MYLK: variants seen among roughly 807,000 people sequenced by gnomAD.
The protein encoded by MYLK is myosin light chain kinase.
MYLK carries 106 observed loss-of-function variants against 203.4 expected under a neutral mutation model. The observed-to-expected ratio is 0.52, with a 90% CI of 0.45 to 0.61. The LOEUF is 0.61. Ranked by LOEUF, MYLK falls within the 20% of genes least tolerant of loss-of-function variation. The probability of loss-of-function intolerance (pLI) is 0.00; values close to 1 mark genes in which losing one functional copy is unlikely to be tolerated. For synonymous variants in MYLK, 867 were observed against 959.5 expected (o/e 0.90, Z 1.78); for missense variants, 2,072 against 2,442.3 (o/e 0.85, Z 3.20).
chr3:123,660,209 C>G (rs1180238253), intron 23 of MYLK, among the ~76,000 whole-genome samples: 1 of 152,218 alleles, frequency 6.6e-6, no homozygotes, highest in Non-Finnish European at 1.5e-5. Context: ...CAAAAAGCCT[C>G]TGGACCCTCG....
chr3:123,770,519 C>T (rs1252180051), intron 4 of MYLK, among the ~76,000 whole-genome samples: 1 of 152,162 alleles, frequency 6.6e-6, no homozygotes, highest in East Asian at 1.9e-4. Context: ...AGGGAGTGGG[C>T]AGTCCCATTC....
At chr3:123,695,315 C>T (rs143835752) in intron 18 of MYLK, among the ~76,000 whole-genome samples, 3 of 152,358 alleles carry the variant, frequency 2.0e-5, no homozygotes, top group East Asian at 1.9e-4. Flanking sequence ...TGTCAAAGCA[C>T]GGCTCACAAG....
intron 27 of MYLK, among the ~76,000 whole-genome samples, chr3:123,644,156 A>G (rs1229324283): frequency 1.3e-5 from 2 of 152,202 alleles, no homozygotes; most frequent in African/African-American, 4.8e-5. Flanking sequence ...CCATTATTCT[A>G]TCCCCAGGCA....
intron 4 of MYLK, among the ~76,000 whole-genome samples, chr3:123,762,137 T>C (rs1445246634): frequency 1.3e-5 from 2 of 152,200 alleles, no homozygotes; most frequent in African/African-American, 2.4e-5. Flanking sequence ...CCATTTCCAC[T>C]TCCTTGAGGG....
chr3:123,707,980 A>C lies in MYLK; in HGVS notation c.2164T>G (p.Trp722Gly). ...VQEPHDGTQP[W>G]FISKPRSVTA... ...ACTGAGCGAGGCTTACTGATGAACC[A>C]GGGCTGGGTGCCATCGTGAGGCTCT... Residue 722 changes from tryptophan to glycine, a missense_variant, in exon 16 of 34, where the codon TGG (tryptophan) becomes GGG (glycine). Trp to Gly is a radical substitution (Grantham distance 184). Around this residue, in one of 3 missense-constraint regions of MYLK, gnomAD observed 865 missense variants for 1,016.0 expected, o/e 0.85. Transcript: ENST00000360304. 6.2e-7 allele frequency: 1 copy of C among 1,614,192 alleles called. No homozygotes were observed. Among genetic ancestry groups the C allele is most frequent in the Non-Finnish European group, 8.5e-7 (1 of 1,180,024 alleles).
intron 20 of MYLK, among the ~76,000 whole-genome samples, chr3:123,679,819 C>T (rs963527186): frequency 6.6e-6 from 1 of 152,122 alleles, no homozygotes; most frequent in Non-Finnish European, 1.5e-5. Context: ...CCTTGTTCGG[C>T]TCTCTGGGCA....
chr3:123,861,334 C>A (rs941718372), intron 2 of MYLK, among the ~76,000 whole-genome samples: 1 of 152,250 alleles, frequency 6.6e-6, no homozygotes, highest in African/African-American at 2.4e-5. Flanking sequence ...ACCAGCAATG[C>A]GCCTGTAGAA....
intron 1 of MYLK, among the ~76,000 whole-genome samples, chr3:123,883,732 C>T (rs2033684286): frequency 6.6e-6 from 1 of 152,168 alleles, no homozygotes; most frequent in Non-Finnish European, 1.5e-5. Context: ...AGGAACAAGT[C>T]TGCAAAGCCC....
At chr3:123,776,041 T>C (rs969498683) in intron 4 of MYLK, among the ~76,000 whole-genome samples, 1 of 152,160 alleles carries the variant, frequency 6.6e-6, no homozygotes, top group African/African-American at 2.4e-5. Flanking sequence ...CCATTACCGG[T>C]CTCAGCTCTC....
chr3:123,793,595 C>T (rs2064869036), intron 4 of MYLK, 82 bp downstream of exon 4: 19 of 1,514,686 alleles, frequency 1.3e-5, no homozygotes, highest in South Asian at 3.5e-5. Context: ...TAGATCCAGC[C>T]GGCCCAGGAA....
intron 1 of MYLK, among the ~76,000 whole-genome samples, chr3:123,883,192 T>A (rs1366649806): frequency 6.6e-6 from 1 of 151,930 alleles, no homozygotes; most frequent in African/African-American, 2.4e-5. Flanking sequence ...CAGGGCAGGC[T>A]CTCAAAGGCT....
intron 16 of MYLK, among the ~76,000 whole-genome samples, chr3:123,705,772 G>A (rs919228995): frequency 1.3e-5 from 2 of 152,032 alleles, no homozygotes; most frequent in Admixed American, 6.5e-5. Flanking sequence ...CAACAGCTAA[G>A]CCTTATCACA....
chr3:123,622,747 G>A (rs546121920), intron 31 of MYLK: 8 of 152,268 alleles, frequency 5.3e-5, no homozygotes, highest in African/African-American at 1.2e-4. Context: ...AAAAATTGCC[G>A]AGGAAGTTAT....
In MYLK at chr3:123,708,011, T is replaced by C; in HGVS notation, c.2141-8A>G. On this transcript the variant is annotated splice_region_variant and splice_polypyrimidine_tract_variant and intron_variant, in intron 15 of 33. Transcript: ENST00000360304. ...GGGTGCCATCGTGAGGCTCTGGAAATTGGCAAAGGGCAGAGCTAAACAGGG... is the reference window on the plus strand; with the variant it reads ...GGGTGCCATCGTGAGGCTCTGGAAACTGGCAAAGGGCAGAGCTAAACAGGG... 1.2e-6 allele frequency: 2 copies of C among 1,613,892 alleles called. No individual in the cohort carries two copies. Among genetic ancestry groups the C allele is most frequent in the Non-Finnish European group, 1.7e-6 (2 of 1,179,942 alleles).
chr3:123,804,249 G>C (rs1455669057), intron 3 of MYLK, among the ~76,000 whole-genome samples: 1 of 152,180 alleles, frequency 6.6e-6, no homozygotes, highest in African/African-American at 2.4e-5. Flanking sequence ...CTTGCAGGGG[G>C]CAGGGAGGGA....
intron 3 of MYLK, among the ~76,000 whole-genome samples, chr3:123,801,343 T>C (rs1178104227): frequency 2.0e-5 from 3 of 152,230 alleles, no homozygotes; most frequent in Non-Finnish European, 4.4e-5. Context: ...TCTACTCTCA[T>C]TTCTGTCCTT....
rs968120886 is a variant in MYLK, at chr3:123,640,228, A to C, written c.4837+59T>G. ...TATGTTTCCTCTCACACTCAGTGTG[A>C]GAGGAAACGGCCAGTGCAATACACA... On this transcript the variant is annotated intron_variant, in intron 28 of 33. Transcript: ENST00000360304. The surrounding 1 kb of genome is among the most constrained non-coding windows in gnomAD (Gnocchi z 4.3). The C allele has an allele frequency of 3.4e-6, 5 of 1,491,982 alleles. No homozygotes were observed. Among genetic ancestry groups the C allele is most frequent in the Non-Finnish European group, 4.7e-6 (5 of 1,070,024 alleles). 92.4% of individuals were successfully genotyped at this position (1,491,982 alleles called of 1,614,324 possible). A position where few individuals can be genotyped will look rare whatever the true frequency, so the allele number is the denominator to read the frequency against.
chr3:123,627,216 GGAA>G (rs1377106513), intron 30 of MYLK, among the ~76,000 whole-genome samples: 1 of 152,232 alleles, frequency 6.6e-6, no homozygotes, highest in Non-Finnish European at 1.5e-5. Flanking sequence ...TTGGGATCGA[GGAA>G]GAGTAAGTGC....
chr3:123,804,453 C>T (rs2065301286), intron 3 of MYLK, among the ~76,000 whole-genome samples: 2 of 152,144 alleles, frequency 1.3e-5, no homozygotes, highest in African/African-American at 4.8e-5. Flanking sequence ...TAGGAAAGCC[C>T]ACTTGAGAAA....
Sources: allele counts gnomAD v4.1 joint callset (sites outside exome capture counted in the v4.1 genomes callset), GRCh38; gene constraint gnomAD v4.1.1; regional missense constraint gnomAD v4.1.1; non-coding constraint Gnocchi (gnomAD v3.1); transcripts MANE v1.5; gene names NCBI Gene and HGNC (gene_info 2026-07-23, HGNC 2026-07-21).